The following SPATA7 variants were observed in gnomAD, a reference collection of about 807,000 sequenced individuals.
The protein encoded by SPATA7 is spermatogenesis associated 7.
Under a neutral mutation model 51.8 loss-of-function variants are expected in SPATA7, and 43 were observed. The ratio of observed to expected loss-of-function variants is 0.83; its 90% CI spans 0.65 to 1.07. SPATA7 has a LOEUF of 1.07. Ranked by LOEUF, SPATA7 falls within the 50% of genes least tolerant of loss-of-function variation. The pLI is 0.00. For synonymous variants in SPATA7, 230 were observed against 252.8 expected, an observed-to-expected ratio of 0.91 and a Z score of 0.86; for missense variants, 683 against 701.3, an observed-to-expected ratio of 0.97 and a Z score of 0.30.
chr14:88,385,853 CAG>C lies in SPATA7; in HGVS notation c.19+17_19+18del. ...AGCCGGAGAGGTAAAGGGCAGCTGT[CAG>C]GGGCTACCGCCGCCTCGCCCCTCGC... On this transcript the variant is annotated intron_variant, in intron 1 of 11. Coordinates refer to ENST00000393545, the MANE Select transcript of SPATA7 (RefSeq NM_018418.5). The C allele has an allele frequency of 3.1e-6, 5 of 1,597,204 alleles. No homozygotes were observed. Among genetic ancestry groups the C allele is most frequent in the Non-Finnish European group, 4.3e-6 (5 of 1,172,846 alleles).
At chr14:88,430,672 G>T (rs1269440620) in intron 8 of SPATA7, among the ~76,000 whole-genome samples, 1 of 152,078 alleles carries the variant, frequency 6.6e-6, no homozygotes, top group Admixed American at 6.6e-5. Flanking sequence ...AAAGAATTGT[G>T]AATTTATACC....
At chr14:88,423,070 C>T (rs1375015512) in intron 5 of SPATA7, among the ~76,000 whole-genome samples, 3 of 152,114 alleles carry the variant, frequency 2.0e-5, no homozygotes, top group Non-Finnish European at 4.4e-5. Context: ...CTCTGACTCA[C>T]ATGCTGTCAC....
Position 88,433,193 on chromosome 14 carries a change from C to G in SPATA7, c.1141C>G (p.Leu381Val). 9 of 1,609,722 alleles carry G rather than the reference C, an allele frequency of 5.6e-6. No homozygotes were observed. The highest frequency in any genetic ancestry group is 7.6e-6 in the Non-Finnish European group (9 of 1,178,262). The change falls in exon 10 of 12, where the codon CTT (leucine) becomes GTT (valine). Residue 381 changes from leucine (L) to valine (V), a missense_variant. Leu to Val is a conservative substitution (Grantham distance 32, BLOSUM62 1). Coordinates refer to ENST00000393545, the MANE Select transcript of SPATA7 (RefSeq NM_018418.5). ...AGATGTAACAGATGAAATTTTGAAACTTGGTTTATTTTCAAACAGGTTAGT... is the reference window on the plus strand; with the variant it reads ...AGATGTAACAGATGAAATTTTGAAAGTTGGTTTATTTTCAAACAGGTTAGT... ...IEDVTDEILK[L>V]GLFSNRFLER...
intron 4 of SPATA7, chr14:88,416,085 G>A (rs2076468398): frequency 6.6e-6 from 1 of 152,354 alleles, no homozygotes; most frequent in South Asian, 2.1e-4. Flanking sequence ...TGAAGCAGAT[G>A]CTGGCATTGT....
intron 4 of SPATA7, among the ~76,000 whole-genome samples, chr14:88,399,063 AAAAG>A (rs2075983419): frequency 6.6e-6 from 1 of 152,036 alleles, no homozygotes; most frequent in Non-Finnish European, 1.5e-5. Context: ...AAAAAAAAAA[AAAAG>A]AAAAAAAAGT....
chr14:88,433,244 A>T (rs1365092425), intron 10 of SPATA7, 32 bp downstream of exon 10: 1 of 1,403,062 alleles, frequency 7.1e-7, no homozygotes, highest in Admixed American at 1.7e-5. Context: ...ATGTTAATTC[A>T]GGAGTACATT....
chr14:88,418,189 G>A (rs1265913585), intron 5 of SPATA7, among the ~76,000 whole-genome samples: 2 of 151,998 alleles, frequency 1.3e-5, no homozygotes, highest in Non-Finnish European at 2.9e-5. Context: ...TTTTTTTAAA[G>A]GACACACTTT....
At chr14:88,423,302 C>T (rs1202209079) in intron 5 of SPATA7, among the ~76,000 whole-genome samples, 1 of 148,522 alleles carries the variant, frequency 6.7e-6, no homozygotes, top group Non-Finnish European at 1.5e-5. Context: ...CTTTGAGAGA[C>T]TGAGGCAGAC....
chr14:88,410,412 A>T (rs572192368), intron 4 of SPATA7, among the ~76,000 whole-genome samples: 3 of 151,312 alleles, frequency 2.0e-5, no homozygotes, highest in East Asian at 3.9e-4. Context: ...TAGGATTGCA[A>T]CCCCTGCGTT....
At chr14:88,444,926 C>T (rs1002951652) in intron 3 of SPATA7, among the ~76,000 whole-genome samples, 6 of 152,156 alleles carry the variant, frequency 3.9e-5, no homozygotes, top group African/African-American at 1.4e-4. Flanking sequence ...TGTGATGCCT[C>T]CAGCTTTGTT....
At chr14:88,440,229 C>A (rs1595307040), downstream of SPATA7, among the ~76,000 whole-genome samples, 1 of 152,284 alleles carries the variant, frequency 6.6e-6, no homozygotes, top group African/African-American at 2.4e-5. Flanking sequence ...CAGAAACTAT[C>A]TCCTGGCTGC....
At chr14:88,431,309 G>T in intron 9 of SPATA7, 84 bp downstream of exon 9, 1 of 1,314,802 alleles carries the variant, frequency 7.6e-7, no homozygotes. Flanking sequence ...AGTCAGGATT[G>T]AACAATAATC....
At chr14:88,462,822 CA>C (rs1273066443) in intron 4 of SPATA7, among the ~76,000 whole-genome samples, 11 of 150,702 alleles carry the variant, frequency 7.3e-5, no homozygotes, top group African/African-American at 2.7e-4. Flanking sequence ...GAACAGTACG[CA>C]AGCCATACTA....
At chr14:88,462,153 C>T (rs1383606119) in intron 4 of SPATA7, among the ~76,000 whole-genome samples, 1 of 152,106 alleles carries the variant, frequency 6.6e-6, no homozygotes, top group Non-Finnish European at 1.5e-5. Flanking sequence ...TTCAATGGTC[C>T]ATTAATTTCA....
intron 5 of SPATA7, among the ~76,000 whole-genome samples, chr14:88,422,546 AT>A (rs1471743123): frequency 1.3e-5 from 2 of 149,074 alleles, no homozygotes; most frequent in East Asian, 1.9e-4. Context: ...CAAATCATAT[AT>A]TTTAATATAT....
intron 4 of SPATA7, among the ~76,000 whole-genome samples, chr14:88,401,212 T>C (rs996969601): frequency 6.6e-6 from 1 of 152,210 alleles, no homozygotes; most frequent in Non-Finnish European, 1.5e-5. Flanking sequence ...TCAACCAATG[T>C]GATATACCAC....
At chr14:88,461,437 A>G (rs554923561) in intron 4 of SPATA7, among the ~76,000 whole-genome samples, 103 of 152,210 alleles carry the variant, frequency 6.8e-4, no homozygotes, top group African/African-American at 2.3e-3. Flanking sequence ...CCTCGCTGCC[A>G]TCTTGCAGAT....
At chr14:88,466,530 G>C (rs975165927) in intron 4 of SPATA7, 6 of 152,176 alleles carry the variant, frequency 3.9e-5, no homozygotes, top group African/African-American at 1.4e-4. Flanking sequence ...AACAGCCCTA[G>C]ATTTGACATT....
chr14:88,392,657 A>G (rs453112), intron 2 of SPATA7, among the ~76,000 whole-genome samples: 83,265 of 151,970 alleles, frequency 0.55, 25,467 homozygotes, highest in Middle Eastern at 0.7. Context: ...TAGAGAAATC[A>G]CTTCTTTTTC....
Sources: allele counts gnomAD v4.1 joint callset (sites outside exome capture counted in the v4.1 genomes callset), GRCh38; gene constraint gnomAD v4.1.1; transcripts MANE v1.5; gene names NCBI Gene and HGNC (gene_info 2026-07-23, HGNC 2026-07-21).